The following BAZ2B variants were observed in gnomAD, a reference collection of about 807,000 sequenced individuals.
The protein encoded by BAZ2B is bromodomain adjacent to zinc finger domain protein 2B.
Under a neutral mutation model 246.0 loss-of-function variants are expected in BAZ2B, and 91 were observed. That is an observed-to-expected ratio of 0.37 (90% CI 0.31 to 0.44). BAZ2B has a LOEUF of 0.44. Among genes scored for constraint, BAZ2B ranks in the 20% least tolerant of loss-of-function variants. The pLI, the probability that BAZ2B is intolerant of heterozygous loss-of-function variation, is 1.00. For missense variants in BAZ2B, 2,332 were observed against 2,533.7 expected, an observed-to-expected ratio of 0.92 and a Z score of 1.71; for synonymous variants, 855 against 860.0, an observed-to-expected ratio of 0.99 and a Z score of 0.10.
intron 22 of BAZ2B, among the ~76,000 whole-genome samples, chr2:159,385,651 C>T (rs2062560834): frequency 6.6e-6 from 1 of 152,030 alleles, no homozygotes. Flanking sequence ...CCTATCAAGC[C>T]TTCCATGACT....
chr2:159,475,286 C>T (rs2078378376), intron 3 of BAZ2B, among the ~76,000 whole-genome samples: 1 of 152,150 alleles, frequency 6.6e-6, no homozygotes, highest in African/African-American at 2.4e-5. Context: ...TGTCTTCATG[C>T]TTTATTTCAT....
At chr2:159,619,436 C>T (rs1169628258), upstream of BAZ2B, among the ~76,000 whole-genome samples, 2 of 151,262 alleles carry the variant, frequency 1.3e-5, no homozygotes, top group Admixed American at 6.6e-5. Context: ...GTGACATTCC[C>T]AATGGTGAAG....
chr2:159,394,832 G>T (rs1204512565), intron 20 of BAZ2B, among the ~76,000 whole-genome samples: 7 of 152,042 alleles, frequency 4.6e-5, no homozygotes, highest in African/African-American at 7.2e-5. Context: ...TAAATAACAT[G>T]CCCAAGGTCA....
chr2:159,321,561 G>A lies in BAZ2B; in HGVS notation c.6354-1143C>T, dbSNP rs79643065. The stretch of plus-strand genomic sequence containing the variant: ...AAACATGGTACTTAAACACAATGGC[G>A]CACCATTCAGCCATAAAAAAAGAAT... On this transcript the variant is annotated intron_variant, in intron 36 of 36. Transcript: ENST00000392783. Among the ~76,000 whole-genome samples the A allele has an allele frequency of 3.0e-3, 461 of 152,214 alleles. 1 individual carries two copies. Among genetic ancestry groups the A allele is most frequent in the Non-Finnish European group, 5.2e-3 (352 of 68,004 alleles).
intron 27 of BAZ2B, among the ~76,000 whole-genome samples, chr2:159,368,894 T>A (rs2060517861): frequency 4.0e-5 from 6 of 149,164 alleles, no homozygotes; most frequent in African/African-American, 1.5e-4. Context: ...CTGTCTCCTA[T>A]AAGCTATTCT....
At chr2:159,337,109 C>A in intron 32 of BAZ2B, 32 bp from the exon 33 acceptor site, 1 of 1,586,546 alleles carries the variant, frequency 6.3e-7, no homozygotes, top group South Asian at 1.1e-5. Context: ...TTAAGTAGGT[C>A]ATGTCCACAC....
chr2:159,507,546 G>C (rs1157451033), intron 2 of BAZ2B, among the ~76,000 whole-genome samples: 1 of 152,100 alleles, frequency 6.6e-6, no homozygotes, highest in Non-Finnish European at 1.5e-5. Flanking sequence ...AAGGGTTTTT[G>C]AATGTGTGTC....
intron 8 of BAZ2B, chr2:159,433,889 TACACCTA>T (rs1351250017): frequency 6.5e-6 from 1 of 153,740 alleles, no homozygotes; most frequent in African/African-American, 2.4e-5. Context: ...ATAGATACAA[TACACCTA>T]ACCTACCAAA....
intron 2 of BAZ2B, among the ~76,000 whole-genome samples, chr2:159,533,640 GAAGA>G (rs1304709764): frequency 6.6e-6 from 1 of 152,114 alleles, no homozygotes; most frequent in Admixed American, 6.5e-5. Context: ...CAAAAAAGAA[GAAGA>G]AAGATTTTCA....
At chr2:159,662,744 C>A in the BAZ2B span, among the ~76,000 whole-genome samples, 1 of 151,768 alleles carries the variant, frequency 6.6e-6, no homozygotes, top group Non-Finnish European at 1.5e-5. Flanking sequence ...GTTGGCCAGG[C>A]TGGCTTTGAA....
In BAZ2B at chr2:159,478,656, T is replaced by C; in HGVS notation, c.64A>G (p.Thr22Ala). 6.2e-7 allele frequency: 1 copy of C among 1,611,000 alleles called. No homozygotes were observed. The highest frequency in any genetic ancestry group is 8.5e-7 in the Non-Finnish European group (1 of 1,178,222). Reference sequence around the variant, plus strand: ...GAAACTACTGAAGCCACAGAAGGTGTCGAAGATGAAGTTGGTGTAGTAGAG... The same window carrying C: ...GAAACTACTGAAGCCACAGAAGGTGCCGAAGATGAAGTTGGTGTAGTAGAG... ...ASSTTPTSSS[T>A]PSVASVVSKG... The change falls in exon 3 of 37, where the codon ACA (threonine) becomes GCA (alanine). Residue 22 changes from threonine (T) to alanine (A), a missense_variant. Thr to Ala is a moderately conservative substitution (Grantham distance 58). Coordinates refer to ENST00000392783, the MANE Select transcript of BAZ2B (RefSeq NM_013450.4).
At position 159,389,416 on chromosome 2, in the gene BAZ2B, G is replaced by A; in HGVS notation, c.3145C>T (p.Arg1049Ter). Residue 1049 changes from arginine to a stop codon, truncating the protein, a stop_gained, in exon 21 of 37, where the codon CGA becomes TGA. Transcript: ENST00000392783. LOFTEE classifies it high-confidence loss of function. ...RLNKERKLEQ[R>*]RLELEMAKEL... ...TTTGCCATTTCTAATTCTAATCTTC[G>A]CTGCTCTAGTTTACGCTCTTTATTT... 6.2e-7 allele frequency: 1 copy of A among 1,611,456 alleles called. No individual in the cohort carries two copies. The highest frequency in any genetic ancestry group is 8.5e-7 in the Non-Finnish European group (1 of 1,178,576).
intron 31 of BAZ2B, among the ~76,000 whole-genome samples, chr2:159,342,316 A>G (rs4665062): frequency 0.91 from 138,128 of 152,282 alleles, 64,196 homozygotes; most frequent in East Asian, 1. Context: ...ACTAGAAAAA[A>G]CTATTGAAAA....
intron 33 of BAZ2B, 146 bp downstream of exon 33, chr2:159,336,796 C>A (rs1209964235): frequency 4.3e-6 from 3 of 696,200 alleles, no homozygotes; most frequent in Non-Finnish European, 6.3e-6. Context: ...AGGAAAGTAT[C>A]AAAAATCTTT....
chr2:159,646,123 C>A, the BAZ2B span, among the ~76,000 whole-genome samples: 1 of 152,278 alleles, frequency 6.6e-6, no homozygotes, highest in Admixed American at 6.5e-5. Context: ...TTCATCCCTA[C>A]AGTTTTGACC....
At chr2:159,589,631 T>C (rs972401857) in intron 1 of BAZ2B, among the ~76,000 whole-genome samples, 1 of 152,192 alleles carries the variant, frequency 6.6e-6, no homozygotes, top group Non-Finnish European at 1.5e-5. Context: ...TAGCAAAATA[T>C]CTTAAGACAC....
At position 159,433,059 on chromosome 2, in the gene BAZ2B, G is replaced by A. The variant is rs373697533; in HGVS notation, c.1598C>T (p.Ser533Leu). The A allele has an allele frequency of 4.4e-5, 71 of 1,614,046 alleles. No homozygotes were observed. Among genetic ancestry groups the A allele is most frequent in the Non-Finnish European group, 5.9e-5 (70 of 1,180,032 alleles). ...IAAASSTPFSSPVNLSTSGRR... is the reference protein window; with the variant it reads ...IAAASSTPFSLPVNLSTSGRR... ...CCCACTTGTACTCAGATTTACAGGT[G>A]AGGAAAAAGGGGTGCTACTTGCAGC... The change falls in exon 9 of 37, where the codon TCA becomes TTA. Residue 533 changes from serine to leucine, a missense_variant. Around this residue, in one of 9 missense-constraint regions of BAZ2B, gnomAD observed 651 missense variants for 650.9 expected, o/e 1.00. Transcript: ENST00000392783.
chr2:159,413,099 A>G (rs886187183), intron 13 of BAZ2B, among the ~76,000 whole-genome samples: 3 of 152,220 alleles, frequency 2.0e-5, no homozygotes, highest in African/African-American at 7.2e-5. Flanking sequence ...CTAGACAGGT[A>G]TCAGCCTCCT....
chr2:159,396,150 C>CATA (rs1383708680), intron 19 of BAZ2B: 1 of 194,456 alleles, frequency 5.1e-6, no homozygotes, highest in African/African-American at 2.3e-5. Context: ...GAACAAAAAG[C>CATA]ATAATGGTTG....
Sources: gnomAD v4.1 joint callset for allele counts (sites outside exome capture counted in the v4.1 genomes callset) on GRCh38, gnomAD v4.1.1 for gene constraint, gnomAD v4.1.1 regional missense constraint, MANE v1.5 for transcripts, NCBI Gene and HGNC (gene_info 2026-07-23, HGNC 2026-07-21) for gene names.